The following BICC1 variants were observed in gnomAD, a reference collection of about 807,000 sequenced individuals.
BICC1 encodes BicC family RNA binding protein 1, also known as protein bicaudal C homolog 1.
A neutral mutation model predicts 111.0 loss-of-function variants in BICC1; 43 were observed. The ratio of observed to expected loss-of-function variants is 0.39; its 90% CI spans 0.30 to 0.50. BICC1 has a LOEUF of 0.50. Ranked by LOEUF, BICC1 falls within the 20% of genes least tolerant of loss-of-function variation. BICC1 has a pLI of 0.88. For synonymous variants in BICC1, 467 were observed against 434.4 expected (o/e 1.07, Z -0.93); for missense variants, 1,091 against 1,203.2 (o/e 0.91, Z 1.38).
chr10:58,705,960 G>A (rs1840374253), intron 3 of BICC1, among the ~76,000 whole-genome samples: 1 of 152,170 alleles, frequency 6.6e-6, no homozygotes, highest in South Asian at 2.1e-4. Context: ...TTAAATGGGT[G>A]ACTGTAGAAT....
chr10:58,751,512 C>T (rs1246356469), intron 3 of BICC1, among the ~76,000 whole-genome samples: 4 of 152,126 alleles, frequency 2.6e-5, no homozygotes, highest in South Asian at 2.1e-4. Flanking sequence ...TAGGAAGTAA[C>T]GTGCCCAGTG....
At chr10:58,544,213 C>T (rs762539236) in intron 1 of BICC1, among the ~76,000 whole-genome samples, 2 of 152,094 alleles carry the variant, frequency 1.3e-5, no homozygotes, top group African/African-American at 4.8e-5. Context: ...AAAAAGGATT[C>T]AGTTATTTTC....
intron 1 of BICC1, among the ~76,000 whole-genome samples, chr10:58,603,094 A>G (rs948940718): frequency 9.9e-5 from 15 of 152,192 alleles, no homozygotes; most frequent in African/African-American, 3.1e-4. Flanking sequence ...GACTGCTTCT[A>G]CCATCCTTCA....
chr10:58,733,373 C>T (rs932758384), intron 3 of BICC1, among the ~76,000 whole-genome samples: 1 of 152,214 alleles, frequency 6.6e-6, no homozygotes, highest in Non-Finnish European at 1.5e-5. Context: ...TGATTCTAAT[C>T]TGTAAAAAAA....
At position 58,747,767 on chromosome 10, in the gene BICC1, T is replaced by C. The variant is rs191453866; in HGVS notation, c.308-37234T>C. On this transcript the variant is annotated intron_variant, in intron 3 of 20. Transcript: ENST00000373886. The stretch of plus-strand genomic sequence containing the variant: ...TGTATCTGTCAACTTAGTTTTTAAA[T>C]ATAAAACCAATAATAGTTGTTAGCT... Among the ~76,000 whole-genome samples, 196 of 152,282 alleles carry C rather than the reference T, an allele frequency of 1.3e-3. 2 individuals carry two copies. Among genetic ancestry groups the C allele is most frequent in the African/African-American group, 4.5e-3 (188 of 41,578 alleles).
intron 1 of BICC1, among the ~76,000 whole-genome samples, chr10:58,548,660 A>G (rs1335348953): frequency 2.0e-5 from 3 of 152,186 alleles, no homozygotes; most frequent in Non-Finnish European, 4.4e-5. Context: ...AACCCCTGGC[A>G]ATGATTGACC....
intron 1 of BICC1, among the ~76,000 whole-genome samples, chr10:58,579,263 A>G (rs976743350): frequency 1.3e-5 from 2 of 152,202 alleles, no homozygotes; most frequent in African/African-American, 2.4e-5. Context: ...GGGTGTCCAC[A>G]AGGGCAATAG....
At chr10:58,709,786 G>A (rs1024194439) in intron 3 of BICC1, among the ~76,000 whole-genome samples, 1 of 152,174 alleles carries the variant, frequency 6.6e-6, no homozygotes, top group African/African-American at 2.4e-5. Flanking sequence ...ACCTTCTTTA[G>A]TGGTTCTGAA....
intron 3 of BICC1, among the ~76,000 whole-genome samples, chr10:58,753,426 C>T (rs781341815): frequency 6.6e-5 from 10 of 152,124 alleles, no homozygotes; most frequent in Non-Finnish European, 8.8e-5. Flanking sequence ...GCCTTGGTCT[C>T]CCAAAGTGCT....
chr10:58,817,825 C>CATTT lies in BICC1; in HGVS notation c.2694+107_2694+110dup. Reference sequence around the variant, plus strand: ...GACCTATGAGTATGCTTTCACTGAGCATTTATTCAAGTCTCATAGCTTGTC... The same window carrying CATTT: ...GACCTATGAGTATGCTTTCACTGAGCATTTATTTATTCAAGTCTCATAGCTTGTC... On this transcript the variant is annotated intron_variant, in intron 19 of 20. Transcript: ENST00000373886. 3.4e-6 allele frequency: 4 copies of CATTT among 1,186,044 alleles called. No individual in the cohort carries two copies. The South Asian group carries it at 6.4e-5, about 19-fold the overall frequency. 73.5% of individuals were successfully genotyped at this position (1,186,044 alleles called of 1,614,324 possible).
In BICC1 at chr10:58,807,270, A is replaced by T. The variant is rs1843738474; in HGVS notation, c.2376+112A>T. 3 of 991,804 alleles carry T rather than the reference A, an allele frequency of 3.0e-6. No individual in the cohort carries two copies. In the South Asian group the frequency reaches 6.2e-5, roughly 21 times the overall value. The allele number at this position is 991,804 out of a possible 1,614,324, so 61.4% of individuals were successfully genotyped here. A position where few individuals can be genotyped will look rare whatever the true frequency, so the allele number is the denominator to read the frequency against. On this transcript the variant is annotated intron_variant, in intron 17 of 20. Coordinates refer to ENST00000373886, the MANE Select transcript of BICC1 (RefSeq NM_001080512.3). ...ACCTAAGGGAAAATGATTAGTGGTG[A>T]CTTGTTTTTATTTCTATTCTTGTAA...
At position 58,793,501 on chromosome 10, in the gene BICC1, G is replaced by A. The variant is rs148760146; in HGVS notation, c.1065G>A (p.Val355=). The A allele has an allele frequency of 2.0e-3, 3,155 of 1,611,986 alleles. 5 individuals carry two copies. The highest frequency in any genetic ancestry group is 2.6e-3 in the Non-Finnish European group (3,010 of 1,178,800). The part of the protein sequence containing the change: ...RQYLMGCLPL[V]LMFDMKEEIE... ...TTTTCTAGGGTTGTCTTCCTCTTGT[G>A]TTGATGTTTGATATGAAGGAAGAAA... Residue 355 remains valine, a synonymous_variant, in exon 9 of 21, where the codon GTG becomes GTA. Transcript: ENST00000373886.
intron 1 of BICC1, among the ~76,000 whole-genome samples, chr10:58,578,969 T>C (rs1297413861): frequency 6.6e-6 from 1 of 152,226 alleles, no homozygotes; most frequent in Non-Finnish European, 1.5e-5. Flanking sequence ...AGGAAGTGGC[T>C]ATATGAAACA....
chr10:58,519,978 T>C (rs1201599128), intron 1 of BICC1, among the ~76,000 whole-genome samples: 1 of 152,198 alleles, frequency 6.6e-6, no homozygotes, highest in Non-Finnish European at 1.5e-5. Context: ...AATTGACAGG[T>C]TCAGTGTAGT....
chr10:58,574,973 G>A (rs1326588643), intron 1 of BICC1, among the ~76,000 whole-genome samples: 2 of 151,470 alleles, frequency 1.3e-5, no homozygotes, highest in East Asian at 3.9e-4. Context: ...AGCAAAAAAT[G>A]ACTCAGTATA....
chr10:58,649,494 C>T (rs774531853), intron 2 of BICC1, among the ~76,000 whole-genome samples: 2 of 151,984 alleles, frequency 1.3e-5, no homozygotes, highest in African/African-American at 2.4e-5. Flanking sequence ...TGGGAGATAC[C>T]GATTTTCTCA....
rs774773128 is a variant in BICC1, at chr10:58,813,849, C to T, written c.2396C>T (p.Ser799Leu). ...TTACAGGGCTCATCCATGTCCCTTT[C>T]ACGGTCCAACAGTCGTGAGCACTTG... The part of the protein sequence containing the change: ...TTYEGSSMSL[S>L]RSNSREHLGG... The change falls in exon 18 of 21, where the codon TCA becomes TTA. Residue 799 changes from serine to leucine, a missense_variant. This residue lies in a region of BICC1 where 231 missense variants were observed against 256.2 expected (regional missense o/e 0.90). Coordinates refer to ENST00000373886, the MANE Select transcript of BICC1 (RefSeq NM_001080512.3). 2.5e-6 allele frequency: 4 copies of T among 1,613,796 alleles called. No individual in the cohort carries two copies. The African/African-American group carries it at 5.3e-5, about 22-fold the overall frequency.
chr10:58,590,811 G>A lies in BICC1; in HGVS notation c.191-30044G>A, dbSNP rs182898483. Among the ~76,000 whole-genome samples, 5 of 152,312 alleles carry A rather than the reference G, an allele frequency of 3.3e-5. No individual in the cohort carries two copies. In the East Asian group the frequency reaches 9.6e-4, roughly 29 times the overall value. On this transcript the variant is annotated intron_variant, in intron 1 of 20. Coordinates refer to ENST00000373886, the MANE Select transcript of BICC1 (RefSeq NM_001080512.3). The stretch of plus-strand genomic sequence containing the variant: ...TATCTATTTAAAAAGGCAGCTGCCT[G>A]TCAAATGATCCACATAAATAAAATA...
chr10:58,570,719 TA>T (rs1230847249), intron 1 of BICC1, among the ~76,000 whole-genome samples: 1 of 152,162 alleles, frequency 6.6e-6, no homozygotes, highest in Non-Finnish European at 1.5e-5. Flanking sequence ...TTTGGAAACT[TA>T]AAGGTCAGGG....
Sources: allele counts gnomAD v4.1 joint callset (sites outside exome capture counted in the v4.1 genomes callset), GRCh38; gene constraint gnomAD v4.1.1; regional missense constraint gnomAD v4.1.1; transcripts MANE v1.5; gene names NCBI Gene and HGNC (gene_info 2026-07-23, HGNC 2026-07-21).